MACROD2: variants seen among roughly 807,000 people sequenced by gnomAD.
MACROD2 encodes ADP-ribose glycohydrolase MACROD2.
Under a neutral mutation model 70.4 loss-of-function variants are expected in MACROD2, and 36 were observed. The observed-to-expected ratio is 0.51, with a 90% confidence interval of 0.39 to 0.68. The LOEUF (loss-of-function observed/expected upper bound fraction) is 0.68, where lower values mean the gene tolerates loss of function less well. Ranked by LOEUF, MACROD2 falls within the 30% of genes least tolerant of loss-of-function variation. The probability of loss-of-function intolerance (pLI) is 0.00; values close to 1 mark genes in which losing one functional copy is unlikely to be tolerated. For synonymous variants in MACROD2, 172 were observed against 178.8 expected, an observed-to-expected ratio of 0.96 and a Z score of 0.30; for missense variants, 496 against 538.4, an observed-to-expected ratio of 0.92 and a Z score of 0.78.
chr20:15,867,692 T>C (rs1254940204), intron 9 of MACROD2, among the ~76,000 whole-genome samples: 1 of 152,176 alleles, frequency 6.6e-6, no homozygotes, highest in African/African-American at 2.4e-5. Flanking sequence ...GTGGAAGTCA[T>C]TTTTTCTTTT....
At chr20:14,366,213 A>G (rs2083270488) in intron 3 of MACROD2, among the ~76,000 whole-genome samples, 1 of 152,110 alleles carries the variant, frequency 6.6e-6, no homozygotes, top group African/African-American at 2.4e-5. Context: ...GTCTTCCACG[A>G]TTATTGTATA....
intron 5 of MACROD2, among the ~76,000 whole-genome samples, chr20:15,175,706 A>G (rs1347093564): frequency 6.6e-6 from 1 of 152,158 alleles, no homozygotes; most frequent in Non-Finnish European, 1.5e-5. Flanking sequence ...TTATGATAGG[A>G]GTTTTCATGT....
intron 5 of MACROD2, among the ~76,000 whole-genome samples, chr20:14,861,424 A>G (rs1343826427): frequency 6.6e-6 from 1 of 152,122 alleles, no homozygotes; most frequent in African/African-American, 2.4e-5. Flanking sequence ...ACACAGTCAT[A>G]GAAAGACACA....
chr20:14,681,752 T>G (rs879375565), intron 4 of MACROD2, among the ~76,000 whole-genome samples: 3 of 152,154 alleles, frequency 2.0e-5, no homozygotes, highest in Admixed American at 2.0e-4. Flanking sequence ...TTATAAGTCA[T>G]AAATAGAATG....
At chr20:14,219,353 T>C in intron 3 of MACROD2, among the ~76,000 whole-genome samples, 1 of 152,120 alleles carries the variant, frequency 6.6e-6, no homozygotes, top group East Asian at 1.9e-4. Flanking sequence ...GCATTTCTTA[T>C]TGTTAAAAGT....
chr20:15,356,578 T>C (rs2078289757), intron 6 of MACROD2, among the ~76,000 whole-genome samples: 1 of 148,728 alleles, frequency 6.7e-6, no homozygotes, highest in Admixed American at 6.7e-5. Context: ...AGGTCAGGAG[T>C]TTTGAGACCA....
chr20:15,968,776 ATATAATAT>A (rs1309692522), intron 13 of MACROD2, among the ~76,000 whole-genome samples: 5 of 143,312 alleles, frequency 3.5e-5, no homozygotes, highest in Non-Finnish European at 7.6e-5. Flanking sequence ...TATTATAAAC[ATATAATAT>A]TATATATTAT....
intron 5 of MACROD2, among the ~76,000 whole-genome samples, chr20:15,079,431 C>G (rs1407328): frequency 0.2 from 30,989 of 152,018 alleles, 3,547 homozygotes; most frequent in East Asian, 0.35. Flanking sequence ...CTTGCCATTG[C>G]AATAATTGCA....
In MACROD2 at chr20:14,756,814, C is replaced by T. The variant is rs548427145; in HGVS notation, c.418+71855C>T. On this transcript the variant is annotated intron_variant, in intron 5 of 17. Coordinates refer to ENST00000684519, the MANE Select transcript of MACROD2 (RefSeq NM_001351661.2). ...AAATTGTAATAATCCCACGTGTCAACGGTGGGACCAGGTGGAGATAATGTT... is the reference window on the plus strand; with the variant it reads ...AAATTGTAATAATCCCACGTGTCAATGGTGGGACCAGGTGGAGATAATGTT... Among the ~76,000 whole-genome samples, 206 of 152,232 alleles carry T rather than the reference C, an allele frequency of 1.4e-3. 3 individuals are homozygous for T. The highest frequency in any genetic ancestry group is 1.8e-3 in the Non-Finnish European group (121 of 68,022).
At chr20:14,112,946 G>A (rs1434730663) in intron 3 of MACROD2, among the ~76,000 whole-genome samples, 2 of 151,920 alleles carry the variant, frequency 1.3e-5, no homozygotes, top group Non-Finnish European at 2.9e-5. Flanking sequence ...TGGGTGAATA[G>A]CTCTTTTATG....
chr20:16,044,171 T>C (rs1310199334), intron 16 of MACROD2, among the ~76,000 whole-genome samples: 1 of 151,946 alleles, frequency 6.6e-6, no homozygotes, highest in African/African-American at 2.4e-5. Flanking sequence ...AGGGGGAGTA[T>C]GCAACTCACA....
At chr20:14,659,808 G>A (rs1386967208) in intron 4 of MACROD2, among the ~76,000 whole-genome samples, 2 of 152,092 alleles carry the variant, frequency 1.3e-5, no homozygotes, top group Admixed American at 1.3e-4. Context: ...TAAAATATAT[G>A]CTTTCACAAT....
At chr20:14,755,980 C>CAAA (rs2071935306) in intron 5 of MACROD2, among the ~76,000 whole-genome samples, 1 of 152,020 alleles carries the variant, frequency 6.6e-6, no homozygotes, top group African/African-American at 2.4e-5. Context: ...TTAAGGGGGG[C>CAAA]AAAATTTCAT....
At chr20:15,918,932 C>A (rs557454358) in intron 10 of MACROD2, among the ~76,000 whole-genome samples, 2 of 152,222 alleles carry the variant, frequency 1.3e-5, no homozygotes, top group South Asian at 4.2e-4. Flanking sequence ...ACCCCAGAAA[C>A]AATGAGGTGC....
chr20:13,998,716 G>A (rs67781165), intron 1 of MACROD2, among the ~76,000 whole-genome samples: 1 of 151,992 alleles, frequency 6.6e-6, no homozygotes, highest in African/African-American at 2.4e-5. Context: ...AGCACTTTGG[G>A]AGGCTGAGGC....
intron 5 of MACROD2, among the ~76,000 whole-genome samples, chr20:15,195,570 G>A (rs1337649839): frequency 6.6e-6 from 1 of 152,134 alleles, no homozygotes; most frequent in African/African-American, 2.4e-5. Context: ...TTGTTAAAAA[G>A]TCAAAAAACA....
At chr20:14,344,790 A>T (rs1249980522) in intron 3 of MACROD2, among the ~76,000 whole-genome samples, 1 of 152,180 alleles carries the variant, frequency 6.6e-6, no homozygotes, top group African/African-American at 2.4e-5. Context: ...TAAAGTTATT[A>T]ATTTTTGTTT....
chr20:14,492,118 GC>G (rs1490562692), intron 3 of MACROD2, among the ~76,000 whole-genome samples: 1 of 152,152 alleles, frequency 6.6e-6, no homozygotes, highest in Admixed American at 6.6e-5. Flanking sequence ...TGGATTCAGG[GC>G]AGGACCTTAA....
At chr20:15,926,397 A>G (rs1358563132) in intron 10 of MACROD2, among the ~76,000 whole-genome samples, 1 of 152,228 alleles carries the variant, frequency 6.6e-6, no homozygotes, top group African/African-American at 2.4e-5. Flanking sequence ...GTACTTAGGA[A>G]ACATTGTTTC....
Sources: allele counts gnomAD v4.1 joint callset (sites outside exome capture counted in the v4.1 genomes callset), GRCh38; gene constraint gnomAD v4.1.1; transcripts MANE v1.5; gene names NCBI Gene and HGNC (gene_info 2026-07-23, HGNC 2026-07-21).